The following MAPK4 variants were observed in gnomAD, a reference collection of about 807,000 sequenced individuals.
MAPK4 encodes Erk3-related.
Under a neutral mutation model 47.7 loss-of-function variants are expected in MAPK4, and 22 were observed. The observed-to-expected ratio is 0.46, with a 90% CI of 0.33 to 0.66. The LOEUF (loss-of-function observed/expected upper bound fraction) is 0.66. Among genes scored for constraint, MAPK4 ranks in the 30% least tolerant of loss-of-function variants. MAPK4 has a pLI of 0.02. For synonymous variants in MAPK4, 390 were observed against 365.7 expected, an observed-to-expected ratio of 1.07 and a Z score of -0.76; for missense variants, 736 against 831.7, an observed-to-expected ratio of 0.88 and a Z score of 1.42.
chr18:50,707,415 C>A (rs574038357), intron 2 of MAPK4, among the ~76,000 whole-genome samples: 60 of 151,966 alleles, frequency 3.9e-4, no homozygotes, highest in Middle Eastern at 3.4e-3. Context: ...ACAAAAAATA[C>A]AAAAATTAGC....
chr18:50,640,527 G>A (rs1253942662), intron 1 of MAPK4, among the ~76,000 whole-genome samples: 2 of 151,888 alleles, frequency 1.3e-5, no homozygotes, highest in Admixed American at 1.3e-4. Context: ...GCAGTGGCAC[G>A]ATCTCAGCTC....
rs899162891 is a variant in MAPK4 at position 50,671,708 on chromosome 18, G to A, written c.546+7204G>A. ...GTTTGAGACCAGCCTGGGCAACAGC[G>A]AGACCCCCATGTCTACAAAAAATAA... On this transcript the variant is annotated intron_variant, in intron 2 of 5. Transcript: ENST00000400384. 3.9e-5 allele frequency among the ~76,000 whole-genome samples: 6 copies of A among 151,974 alleles called. No homozygotes were observed. The East Asian group carries it at 7.8e-4, about 20-fold the overall frequency.
intron 2 of MAPK4, among the ~76,000 whole-genome samples, chr18:50,670,481 G>A (rs1907878446): frequency 6.6e-6 from 1 of 152,174 alleles, no homozygotes; most frequent in Non-Finnish European, 1.5e-5. Flanking sequence ...AGCAGGCCGG[G>A]TGTGGTGGCT....
In MAPK4 at chr18:50,685,556, C is replaced by G. The variant is rs561500987; in HGVS notation, c.546+21052C>G. 7.1e-4 allele frequency among the ~76,000 whole-genome samples: 108 copies of G among 152,244 alleles called. 1 individual carries two copies. The highest frequency in any genetic ancestry group is 1.3e-3 in the Non-Finnish European group (86 of 68,040). On this transcript the variant is annotated intron_variant, in intron 2 of 5. Transcript: ENST00000400384. ...GAATGTGCAGTGCATGTGGGGGAGGCACCGGGATGGCATAAAGCCAGCCGT... is the reference window on the plus strand; with the variant it reads ...GAATGTGCAGTGCATGTGGGGGAGGGACCGGGATGGCATAAAGCCAGCCGT...
At chr18:50,690,921 C>T (rs1360334246) in intron 2 of MAPK4, among the ~76,000 whole-genome samples, 1 of 151,938 alleles carries the variant, frequency 6.6e-6, no homozygotes, top group African/African-American at 2.4e-5. Flanking sequence ...ATGGCAGGTA[C>T]CAAAGAGGTG....
intron 2 of MAPK4, among the ~76,000 whole-genome samples, chr18:50,682,509 C>T (rs1908645977): frequency 6.6e-6 from 1 of 152,132 alleles, no homozygotes; most frequent in Admixed American, 6.5e-5. Flanking sequence ...AGATTAATAT[C>T]TTCCATTAAT....
Position 50,729,208 on chromosome 18 carries a change from AGGACG to A in MAPK4, c.1119_1123del (p.Gln373HisfsTer17). On this transcript the variant is annotated frameshift_variant, in exon 6 of 6. Coordinates refer to ENST00000400384, the MANE Select transcript of MAPK4 (RefSeq NM_002747.4). LOFTEE classifies it high-confidence loss of function. ...CTGGAGTGGCGGCCTGACCGGTGCC[AGGACG>A]CCAGCGAGGTACAGCGCGACCCGCG... 1 of 1,597,820 alleles carries A rather than the reference AGGACG, an allele frequency of 6.3e-7. No individual in the cohort carries two copies.
At position 50,652,990 on chromosome 18, in the gene MAPK4, T is replaced by A. The variant is rs144817472; in HGVS notation, c.-870-10099T>A. Among the ~76,000 whole-genome samples, 509 of 152,198 alleles carry A rather than the reference T, an allele frequency of 3.3e-3. 3 individuals carry two copies. Among genetic ancestry groups the A allele is most frequent in the African/African-American group, 0.012 (488 of 41,520 alleles). On this transcript the variant is annotated intron_variant, in intron 1 of 5. Coordinates refer to ENST00000400384, the MANE Select transcript of MAPK4 (RefSeq NM_002747.4). Reference sequence around the variant, plus strand: ...TGAGCCCAGGAGTTCGAGACCAGCCTGGGTAACATGATGAAACCTATGTCT... The same window carrying A: ...TGAGCCCAGGAGTTCGAGACCAGCCAGGGTAACATGATGAAACCTATGTCT...
intron 3 of MAPK4, 116 bp downstream of exon 3, chr18:50,715,339 C>A: frequency 7.8e-7 from 1 of 1,276,666 alleles, no homozygotes; most frequent in Admixed American, 2.7e-5. Flanking sequence ...GAAATTACTT[C>A]TGTGGCTTTT....
intron 1 of MAPK4, among the ~76,000 whole-genome samples, chr18:50,591,488 A>G (rs184549989): frequency 6.6e-6 from 1 of 151,014 alleles, no homozygotes; most frequent in Admixed American, 6.6e-5. Context: ...GACCGAGGTG[A>G]TGGTGCAGAA....
At chr18:50,560,753 A>C (rs576072519) in intron 1 of MAPK4, 1 of 152,342 alleles carries the variant, frequency 6.6e-6, no homozygotes, top group Admixed American at 6.5e-5. Context: ...AGGCGCCTAC[A>C]CTGGCGGTAG....
intron 1 of MAPK4, among the ~76,000 whole-genome samples, chr18:50,612,522 A>G (rs964525978): frequency 6.6e-6 from 1 of 152,206 alleles, no homozygotes; most frequent in Non-Finnish European, 1.5e-5. Context: ...CAAGAGCTGT[A>G]TATTTATGTG....
intron 1 of MAPK4, among the ~76,000 whole-genome samples, chr18:50,620,218 T>A (rs186581363): frequency 6.6e-6 from 1 of 152,278 alleles, no homozygotes; most frequent in East Asian, 1.9e-4. Context: ...ACCATCGAGC[T>A]GGAAGTGGAA....
At chr18:50,577,415 C>G (rs2042307548) in intron 1 of MAPK4, among the ~76,000 whole-genome samples, 1 of 152,168 alleles carries the variant, frequency 6.6e-6, no homozygotes, top group African/African-American at 2.4e-5. Flanking sequence ...TTAGAATCAT[C>G]TGGGGCGTTT....
chr18:50,610,957 A>G (rs1041503871), intron 1 of MAPK4, among the ~76,000 whole-genome samples: 4 of 152,156 alleles, frequency 2.6e-5, no homozygotes, highest in African/African-American at 9.7e-5. Context: ...TATAACTACC[A>G]GATTTGGACA....
chr18:50,723,157 G>T (rs1911019361), intron 4 of MAPK4, among the ~76,000 whole-genome samples: 2 of 152,186 alleles, frequency 1.3e-5, no homozygotes, highest in South Asian at 4.1e-4. Flanking sequence ...GCATGGATGG[G>T]CAGGGGAGGA....
rs375115857 is a variant in MAPK4 at position 50,722,032 on chromosome 18, C to T, written c.786C>T (p.Ser262=). ...DKDELLRVMP[S]FVSSTWEVKR... is the part of the protein sequence containing the mutation. Reference sequence around the variant, plus strand: ...ACGAGCTGCTCAGGGTGATGCCTTCCTTTGTCAGCAGCACCTGGGAGGTGA... The same window carrying T: ...ACGAGCTGCTCAGGGTGATGCCTTCTTTTGTCAGCAGCACCTGGGAGGTGA... The change falls in exon 4 of 6, where the codon TCC becomes TCT. Residue 262 remains serine (S), a synonymous_variant. Coordinates refer to ENST00000400384, the MANE Select transcript of MAPK4 (RefSeq NM_002747.4). The T allele has an allele frequency of 6.2e-7, 1 of 1,613,896 alleles. No homozygotes were observed. The highest frequency in any genetic ancestry group is 8.5e-7 in the Non-Finnish European group (1 of 1,179,926).
intron 1 of MAPK4, among the ~76,000 whole-genome samples, chr18:50,657,470 G>T (rs1055127635): frequency 1.3e-5 from 2 of 152,182 alleles, no homozygotes; most frequent in East Asian, 3.9e-4. Context: ...CGGAGTCATT[G>T]TGTAATCACC....
Position 50,730,080 on chromosome 18 carries a change from ACTTTC to A in MAPK4, c.*229_*233del. The A allele has an allele frequency of 2.3e-6, 1 of 432,530 alleles. No homozygotes were observed. Among genetic ancestry groups the A allele is most frequent in the Non-Finnish European group, 4.1e-6 (1 of 245,716 alleles). The allele number at this position is 432,530 out of a possible 1,614,324, so 26.8% of individuals were successfully genotyped here. On this transcript the variant is annotated 3_prime_UTR_variant, in exon 6 of 6. Transcript: ENST00000400384. ...CAGGACCCTGGCTTAGGGGTTGATC[ACTTTC>A]CTAGCAAAGGGGAGACCACATGTGG...
Sources: allele counts gnomAD v4.1 joint callset (sites outside exome capture counted in the v4.1 genomes callset), GRCh38; gene constraint gnomAD v4.1.1; transcripts MANE v1.5; gene names NCBI Gene and HGNC (gene_info 2026-07-23, HGNC 2026-07-21).